BRD9: variants seen among roughly 807,000 people sequenced by gnomAD.
BRD9 encodes the protein bromodomain containing 9.
BRD9 carries 47 observed loss-of-function variants against 68.7 expected under a neutral mutation model. That is an observed-to-expected ratio of 0.68 (90% CI 0.54 to 0.87). The LOEUF is 0.87. Ranked by LOEUF, BRD9 falls within the 40% of genes least tolerant of loss-of-function variation. BRD9 has a pLI of 0.00. For missense variants in BRD9, 670 were observed against 748.4 expected, an observed-to-expected ratio of 0.90 and a Z score of 1.22; for synonymous variants, 313 against 293.9, an observed-to-expected ratio of 1.06 and a Z score of -0.67.
At chr5:884,162 A>G in intron 7 of BRD9, 92 bp from the exon 8 acceptor site, 1 of 1,515,056 alleles carries the variant, frequency 6.6e-7, no homozygotes, top group South Asian at 1.2e-5. Context: ...GCTTCTACCG[A>G]CCCTGCCCTC....
chr5:891,714 C>A lies in BRD9; in HGVS notation c.193G>T (p.Glu65Ter). 6.4e-7 allele frequency: 1 copy of A among 1,551,480 alleles called. No individual in the cohort carries two copies. The highest frequency in any genetic ancestry group is 8.7e-7 in the Non-Finnish European group (1 of 1,146,974). ...TTCTTCTTCTTCTTCTTTTTCTTTT[C>A]TTTGTGCCTCTCTCGCTCATGGTCT... Reference protein sequence around the residue: ...RSDHERERHKEKKKKKKKKSE... With the variant: ...RSDHERERHK Residue 65 changes from glutamate to a stop codon, truncating the protein, a stop_gained, in exon 2 of 16, where the codon GAA becomes TAA. Transcript: ENST00000467963. LOFTEE classifies it high-confidence loss of function.
chr5:892,548 C>A, intron 1 of BRD9, 58 bp downstream of exon 1: 1 of 1,525,206 alleles, frequency 6.6e-7, no homozygotes, highest in South Asian at 1.2e-5. Context: ...GTGCCCGGAA[C>A]TCCTCCCCCG....
At chr5:880,447 G>A (rs2150595174) in intron 9 of BRD9, among the ~76,000 whole-genome samples, 1 of 151,600 alleles carries the variant, frequency 6.6e-6, no homozygotes, top group Non-Finnish European at 1.5e-5. Flanking sequence ...TCACACACTG[G>A]AGAAAACCAC....
chr5:864,962 CT>C (rs1271177890), intron 15 of BRD9, among the ~76,000 whole-genome samples: 1 of 152,196 alleles, frequency 6.6e-6, no homozygotes, highest in African/African-American at 2.4e-5. Flanking sequence ...AAATACCGGC[CT>C]TTTTGCAGAT....
In BRD9 at chr5:883,929, G is replaced by C; in HGVS notation, c.966+9C>G. 3 of 1,610,218 alleles carry C rather than the reference G, an allele frequency of 1.9e-6. No homozygotes were observed. Among genetic ancestry groups the C allele is most frequent in the Non-Finnish European group, 1.7e-6 (2 of 1,179,652 alleles). On this transcript the variant is annotated intron_variant, in intron 8 of 15. Transcript: ENST00000467963. The stretch of plus-strand genomic sequence containing the variant: ...GTGGCACCCTCTCTCGGTGGCCACA[G>C]AGCACTACCTTGCCGCCTGGGAGGA...
At chr5:887,849 G>A (rs1560927620) in intron 5 of BRD9, among the ~76,000 whole-genome samples, 2 of 152,208 alleles carry the variant, frequency 1.3e-5, no homozygotes, top group South Asian at 2.1e-4. Flanking sequence ...GTGCGGCACA[G>A]TGATAGCCTC....
chr5:884,064 C>G lies in BRD9; in HGVS notation c.840G>C (p.Met280Ile). 6.2e-7 allele frequency: 1 copy of G among 1,613,300 alleles called. No homozygotes were observed. The highest frequency in any genetic ancestry group is 8.5e-7 in the Non-Finnish European group (1 of 1,179,910). The change falls in exon 8 of 16, where the codon ATG becomes ATC. Residue 280 changes from methionine to isoleucine, a missense_variant. Physicochemically the swap from Met to Ile is conservative, Grantham distance 10. Around this residue, in one of 5 missense-constraint regions of BRD9, gnomAD observed 135 missense variants for 141.2 expected, o/e 0.96. Coordinates refer to ENST00000467963, the MANE Select transcript of BRD9 (RefSeq NM_023924.5). ...KKPSREVISC[M>I]FEPEGNACSL... ...TGCAGGCATTCCCTTCAGGCTCAAACATGCAGCTGTGAGGTGGGGACAACC... is the reference window on the plus strand; with the variant it reads ...TGCAGGCATTCCCTTCAGGCTCAAAGATGCAGCTGTGAGGTGGGGACAACC...
At position 864,465 on chromosome 5, in the gene BRD9, G is replaced by C. The variant is rs749822409; in HGVS notation, c.*3C>G. On this transcript the variant is annotated 3_prime_UTR_variant, in exon 16 of 16. Coordinates refer to ENST00000467963, the MANE Select transcript of BRD9 (RefSeq NM_023924.5). ...AAATAAAAGAGCTGAAGGTGGTCTA[G>C]AGTTAGGTCTTGGCAGAGGCCGCAG... The C allele has an allele frequency of 6.2e-6, 10 of 1,603,226 alleles. No individual in the cohort carries two copies. In the African/African-American group the frequency reaches 9.4e-5, roughly 15 times the overall value.
At chr5:891,539 C>A in intron 2 of BRD9, 101 bp downstream of exon 2, 1 of 1,476,098 alleles carries the variant, frequency 6.8e-7, no homozygotes, top group Admixed American at 2.5e-5. Flanking sequence ...CACCCCCTCC[C>A]CTCCTCCAGC....
At chr5:865,340 C>A (rs1368625856) in intron 15 of BRD9, 74 bp downstream of exon 15, 6 of 1,475,364 alleles carry the variant, frequency 4.1e-6, no homozygotes, top group Non-Finnish European at 5.4e-6. Context: ...ACAATGCTGC[C>A]CACTACCTCG....
intron 3 of BRD9, among the ~76,000 whole-genome samples, chr5:890,232 T>C (rs1326822733): frequency 6.6e-6 from 1 of 152,110 alleles, no homozygotes; most frequent in Non-Finnish European, 1.5e-5. Context: ...AAGAGCCAAA[T>C]GACCACAGGA....
intron 3 of BRD9, chr5:890,096 T>A: frequency 3.1e-6 from 1 of 320,910 alleles, no homozygotes; most frequent in Non-Finnish European, 6.1e-6. Context: ...CTTGGGAGGC[T>A]GAGGTGGGAG....
At chr5:884,694 T>C (rs1460890336) in intron 7 of BRD9, among the ~76,000 whole-genome samples, 1 of 152,272 alleles carries the variant, frequency 6.6e-6, no homozygotes, top group African/African-American at 2.4e-5. Flanking sequence ...TGCCTGGGCA[T>C]GGGTCTGAGT....
chr5:892,465 G>A (rs1469491197), intron 1 of BRD9, 141 bp downstream of exon 1: 1 of 1,422,042 alleles, frequency 7.0e-7, no homozygotes, highest in Non-Finnish European at 9.1e-7. Flanking sequence ...GAAATCCCAG[G>A]ACCCCCTCCC....
intron 1 of BRD9, 73 bp from the exon 2 acceptor site, chr5:891,927 G>A: frequency 1.3e-6 from 2 of 1,531,702 alleles, no homozygotes; most frequent in Non-Finnish European, 1.8e-6. Flanking sequence ...AGACGTGAAG[G>A]TGCTAAGAGG....
At position 889,132 on chromosome 5, in the gene BRD9, G is replaced by A; in HGVS notation, c.495C>T (p.Val165=). ...KDPHGFFAFP[V]TDAIAPGYSM... The stretch of plus-strand genomic sequence containing the variant: ...AATATCCAGGAGCAATTGCATCCGT[G>A]ACAGGAAAAGCAAAAAATCCATGGG... The change falls in exon 5 of 16, where the codon GTC becomes GTT. Residue 165 remains valine, a synonymous_variant. Transcript: ENST00000467963. 6.2e-7 allele frequency: 1 copy of A among 1,609,354 alleles called. No individual in the cohort carries two copies. The highest frequency in any genetic ancestry group is 1.1e-5 in the South Asian group (1 of 89,038).
chr5:884,465 G>A (rs1321030545), intron 7 of BRD9, among the ~76,000 whole-genome samples: 2 of 152,246 alleles, frequency 1.3e-5, no homozygotes, highest in African/African-American at 2.4e-5. Flanking sequence ...GGATAGGCGG[G>A]GCTGCTCGGG....
chr5:881,293 G>C, intron 8 of BRD9, 111 bp from the exon 9 acceptor site: 8 of 1,039,402 alleles, frequency 7.7e-6, no homozygotes, highest in Non-Finnish European at 4.3e-6. Flanking sequence ...ATTTGTCCAA[G>C]AACAAACGCC....
At chr5:880,933 G>A (rs1302772306) in intron 9 of BRD9, among the ~76,000 whole-genome samples, 174 bp downstream of exon 9, 3 of 152,336 alleles carry the variant, frequency 2.0e-5, no homozygotes, top group Non-Finnish European at 2.9e-5. Flanking sequence ...CGAGATGGCC[G>A]TCCACACCTC....
Sources: allele counts gnomAD v4.1 joint callset (sites outside exome capture counted in the v4.1 genomes callset), GRCh38; gene constraint gnomAD v4.1.1; regional missense constraint gnomAD v4.1.1; transcripts MANE v1.5; gene names NCBI Gene and HGNC (gene_info 2026-07-23, HGNC 2026-07-21).